The following TBC1D1 variants were observed in gnomAD, a reference collection of about 807,000 sequenced individuals.
TBC1D1 encodes TBC1 (tre-2/USP6, BUB2, cdc16) domain family, member 1.
In TBC1D1, 89 loss-of-function variants were observed where a neutral mutation model predicts 125.6. The observed-to-expected ratio is 0.71, with a 90% CI of 0.60 to 0.85. The LOEUF is 0.85. Among genes scored for constraint, TBC1D1 ranks in the 40% least tolerant of loss-of-function variants. TBC1D1 has a pLI of 0.00. For missense variants in TBC1D1, 1,377 were observed against 1,469.2 expected (o/e 0.94, Z 1.03); for synonymous variants, 565 against 564.1 (o/e 1.00, Z -0.02).
At chr4:37,909,091 G>A (rs1169967484) in intron 2 of TBC1D1, among the ~76,000 whole-genome samples, 1 of 152,154 alleles carries the variant, frequency 6.6e-6, no homozygotes, top group Non-Finnish European at 1.5e-5. Context: ...ACCAATAAAT[G>A]TTTCCTTTTG....
intron 2 of TBC1D1, among the ~76,000 whole-genome samples, chr4:37,991,058 CG>C (rs1224882306): frequency 6.4e-5 from 2 of 31,062 alleles, no homozygotes; most frequent in Non-Finnish European, 1.3e-4. Context: ...TGACCTGGGG[CG>C]GGGGTGGGTG....
At chr4:37,980,622 T>C (rs963585669) in intron 2 of TBC1D1, among the ~76,000 whole-genome samples, 1 of 152,224 alleles carries the variant, frequency 6.6e-6, no homozygotes, top group African/African-American at 2.4e-5. Flanking sequence ...TGTCAGTTTA[T>C]GAGAAAAAAT....
chr4:38,016,759 T>G (rs1285812486), intron 3 of TBC1D1, among the ~76,000 whole-genome samples: 1 of 152,224 alleles, frequency 6.6e-6, no homozygotes, highest in Non-Finnish European at 1.5e-5. Flanking sequence ...GGGCTGGGAC[T>G]GGAGGCAGCC....
chr4:38,136,610 C>T (rs75639642), intron 19 of TBC1D1, among the ~76,000 whole-genome samples: 2,083 of 152,280 alleles, frequency 0.014, 45 homozygotes, highest in African/African-American at 0.048. Context: ...ATTGTTACCA[C>T]GTGGGCCTTC....
In TBC1D1 at chr4:37,909,780, G is replaced by A. The variant is rs571929568; in HGVS notation, c.417+7268G>A. ...TCTTACCTATATTAAATTTCCACTG[G>A]GCACCTTTAATCCCAGCCTGATTTA... On this transcript the variant is annotated intron_variant, in intron 2 of 19. Coordinates refer to ENST00000261439, the MANE Select transcript of TBC1D1 (RefSeq NM_015173.4). Among the ~76,000 whole-genome samples, 3 of 152,116 alleles carry A rather than the reference G, an allele frequency of 2.0e-5. No homozygotes were observed. In the South Asian group the frequency reaches 6.2e-4, roughly 32 times the overall value.
intron 2 of TBC1D1, among the ~76,000 whole-genome samples, chr4:37,913,486 C>A (rs1719034825): frequency 6.6e-6 from 1 of 152,018 alleles, no homozygotes; most frequent in South Asian, 2.1e-4. Context: ...GTAATCCCAG[C>A]TACTCAGGAG....
intron 13 of TBC1D1, among the ~76,000 whole-genome samples, chr4:38,093,518 T>TC (rs1396602333): frequency 1.3e-5 from 2 of 149,040 alleles, no homozygotes; most frequent in African/African-American, 2.5e-5. Context: ...CAAGGCCGTT[T>TC]TCCCCCCCCT....
chr4:37,959,613 G>A lies in TBC1D1; in HGVS notation c.418-54896G>A, dbSNP rs148862500. Among the ~76,000 whole-genome samples the A allele has an allele frequency of 3.4e-3, 518 of 152,274 alleles. 1 individual carries two copies. The highest frequency in any genetic ancestry group is 6.8e-3 in the Middle Eastern group (2 of 294). On this transcript the variant is annotated intron_variant, in intron 2 of 19. Coordinates refer to ENST00000261439, the MANE Select transcript of TBC1D1 (RefSeq NM_015173.4). ...AATACGTACGCACATATGTCACTGGGTCAAAGATTCATAGAATGAATTAGA... is the reference window on the plus strand; with the variant it reads ...AATACGTACGCACATATGTCACTGGATCAAAGATTCATAGAATGAATTAGA...
intron 2 of TBC1D1, among the ~76,000 whole-genome samples, chr4:37,915,151 G>A (rs1006725447): frequency 6.6e-6 from 1 of 152,204 alleles, no homozygotes; most frequent in African/African-American, 2.4e-5. Flanking sequence ...CTTCATGAAT[G>A]AATGAATGAA....
intron 12 of TBC1D1, among the ~76,000 whole-genome samples, chr4:38,081,279 G>T (rs1163729444): frequency 2.6e-5 from 4 of 152,170 alleles, no homozygotes; most frequent in African/African-American, 4.8e-5. Flanking sequence ...GGCGTCTGGG[G>T]TCCCTCGGGG....
chr4:37,972,312 T>C (rs1273102285), intron 2 of TBC1D1, among the ~76,000 whole-genome samples: 1 of 151,650 alleles, frequency 6.6e-6, no homozygotes. Flanking sequence ...AGAAGCCCTG[T>C]CTCTACTAAA....
chr4:38,088,701 T>C (rs1757946560), intron 12 of TBC1D1, among the ~76,000 whole-genome samples: 1 of 152,182 alleles, frequency 6.6e-6, no homozygotes, highest in African/African-American at 2.4e-5. Flanking sequence ...GTTTATAGCC[T>C]ATTAACTCAG....
chr4:37,920,885 C>G (rs1473510193), intron 2 of TBC1D1, among the ~76,000 whole-genome samples: 1 of 151,896 alleles, frequency 6.6e-6, no homozygotes, highest in African/African-American at 2.4e-5. Context: ...CCGAGGCGGG[C>G]CGATCACGAG....
intron 2 of TBC1D1, among the ~76,000 whole-genome samples, chr4:37,933,878 A>G (rs1272868403): frequency 6.6e-6 from 1 of 152,180 alleles, no homozygotes; most frequent in Non-Finnish European, 1.5e-5. Context: ...TGGGGAAAAA[A>G]AAGGCACTTT....
At chr4:38,086,212 C>T (rs564900243) in intron 12 of TBC1D1, among the ~76,000 whole-genome samples, 8 of 152,208 alleles carry the variant, frequency 5.3e-5, no homozygotes, top group Admixed American at 1.3e-4. Flanking sequence ...AAAAGAGATA[C>T]GTTTTTGCCC....
At chr4:38,081,134 G>A (rs189623702) in intron 12 of TBC1D1, among the ~76,000 whole-genome samples, 66 of 152,182 alleles carry the variant, frequency 4.3e-4, no homozygotes, top group African/African-American at 1.5e-3. Flanking sequence ...GGCTGTCCCA[G>A]ACCTCTTTGA....
At chr4:38,038,425 C>T (rs748448600) in intron 8 of TBC1D1, among the ~76,000 whole-genome samples, 3 of 152,258 alleles carry the variant, frequency 2.0e-5, no homozygotes, top group African/African-American at 7.2e-5. Context: ...ATATATTTAT[C>T]TATTAGTCCA....
intron 8 of TBC1D1, among the ~76,000 whole-genome samples, chr4:38,042,039 G>A (rs1173595747): frequency 1.3e-5 from 2 of 151,950 alleles, no homozygotes; most frequent in Non-Finnish European, 1.5e-5. Flanking sequence ...AGCCAGATGT[G>A]GTGGCGCACA....
At chr4:37,959,499 C>G (rs1368706717) in intron 2 of TBC1D1, among the ~76,000 whole-genome samples, 1 of 151,988 alleles carries the variant, frequency 6.6e-6, no homozygotes, top group African/African-American at 2.4e-5. Flanking sequence ...AGGTGGCAGC[C>G]GCAGAAGAAA....
Sources: allele counts gnomAD v4.1 joint callset (sites outside exome capture counted in the v4.1 genomes callset), GRCh38; gene constraint gnomAD v4.1.1; transcripts MANE v1.5; gene names NCBI Gene and HGNC (gene_info 2026-07-23, HGNC 2026-07-21).